Variants in GFOD1 observed in about 807,000 individuals in gnomAD.
The protein encoded by GFOD1 is glucose-fructose oxidoreductase domain-containing protein 1.
Under a neutral mutation model 25.4 loss-of-function variants are expected in GFOD1, and 9 were observed. The observed-to-expected ratio is 0.35, with a 90% CI of 0.21 to 0.62. GFOD1 has a LOEUF of 0.62. Ranked by LOEUF, GFOD1 falls within the 20% of genes least tolerant of loss-of-function variation. The pLI is 0.72. For missense variants in GFOD1, 403 were observed against 556.9 expected, an observed-to-expected ratio of 0.72 and a Z score of 2.78; for synonymous variants, 253 against 245.6, an observed-to-expected ratio of 1.03 and a Z score of -0.28.
At chr6:13,423,305 G>A (rs948831987) in intron 1 of GFOD1, among the ~76,000 whole-genome samples, 27 of 152,112 alleles carry the variant, frequency 1.8e-4, no homozygotes, top group African/African-American at 5.8e-4. Flanking sequence ...TATTTTAACT[G>A]ACAATGAGTT....
At chr6:13,433,688 T>C (rs9395773) in intron 1 of GFOD1, among the ~76,000 whole-genome samples, 149,015 of 152,168 alleles carry the variant, frequency 0.98, 73,040 homozygotes, top group Middle Eastern at 1. Flanking sequence ...TTGTCCTTCA[T>C]GTTGCATTCC....
chr6:13,363,236 T>TGTGTGC lies in GFOD1; in HGVS notation c.*1506_*1507insGCACAC, dbSNP rs1554198482. 5 of 151,774 alleles carry TGTGTGC rather than the reference T, an allele frequency of 3.3e-5. No homozygotes were observed. The highest frequency in any genetic ancestry group is 3.3e-4 in the Admixed American group (5 of 15,240). 9.4% of individuals were successfully genotyped at this position (151,774 alleles called of 1,614,324 possible). A position where few individuals can be genotyped will look rare whatever the true frequency, so the allele number is the denominator to read the frequency against. On this transcript the variant is annotated 3_prime_UTR_variant, in exon 2 of 2. Transcript: ENST00000379287. ...CTGTGTGTGTGTGTGTGTGTGTGTG[T>TGTGTGC]GTGCACGTGCATGTGTGTGTGTGTC...
intron 1 of GFOD1, among the ~76,000 whole-genome samples, chr6:13,441,003 T>A (rs867561426): frequency 6.6e-6 from 1 of 152,212 alleles, no homozygotes; most frequent in African/African-American, 2.4e-5. Context: ...CACAGATTAC[T>A]TCATCTGCTA....
At chr6:13,459,431 A>C (rs1176816512) in intron 1 of GFOD1, among the ~76,000 whole-genome samples, 1 of 152,048 alleles carries the variant, frequency 6.6e-6, no homozygotes, top group East Asian at 1.9e-4. Flanking sequence ...CAATACCATT[A>C]AGGATATAGG....
intron 1 of GFOD1, among the ~76,000 whole-genome samples, chr6:13,378,926 A>T (rs1034605740): frequency 6.8e-5 from 10 of 146,010 alleles, no homozygotes; most frequent in African/African-American, 2.4e-4. Context: ...AGCAGAGGGA[A>T]ACAATCAGCT....
At chr6:13,378,106 C>T (rs1279932275) in intron 1 of GFOD1, among the ~76,000 whole-genome samples, 1 of 152,160 alleles carries the variant, frequency 6.6e-6, no homozygotes, top group Non-Finnish European at 1.5e-5. Flanking sequence ...CTTTGGCTCA[C>T]TTAAGCACCA....
chr6:13,361,833 GTTCT>G lies in GFOD1; in HGVS notation c.*2906_*2909del, dbSNP rs906619981. ...TTCATGCCTCTTTTAAAGAATATAT[GTTCT>G]TTCTAATACCCCAGCTTCAAATGAG... On this transcript the variant is annotated 3_prime_UTR_variant, in exon 2 of 2. Coordinates refer to ENST00000379287, the MANE Select transcript of GFOD1 (RefSeq NM_018988.4). 5 of 151,982 alleles carry G rather than the reference GTTCT, an allele frequency of 3.3e-5. No homozygotes were observed. The highest frequency in any genetic ancestry group is 5.9e-5 in the Non-Finnish European group (4 of 67,992). 9.4% of individuals were successfully genotyped at this position (151,982 alleles called of 1,614,324 possible).
chr6:13,477,216 GGTGTGTGTGT>G (rs60649261), intron 1 of GFOD1, among the ~76,000 whole-genome samples: 178 of 140,878 alleles, frequency 1.3e-3, no homozygotes, highest in African/African-American at 4.4e-3. Context: ...ACCAATAGGG[GGTGTGTGTGT>G]GTGTGTGTGT....
Position 13,487,320 on chromosome 6 carries a change from G to T in GFOD1, c.-430C>A, listed in dbSNP as rs982391. 5,387 of 170,368 alleles carry T rather than the reference G, an allele frequency of 0.032. 123 individuals are homozygous for T. Among genetic ancestry groups the T allele is most frequent in the African/African-American group, 0.06 (2,553 of 42,220 alleles). The allele number at this position is 170,368 out of a possible 1,614,324, so 10.6% of individuals were successfully genotyped here. The stretch of plus-strand genomic sequence containing the variant: ...GGACCGGCTCTCTCCCGCGTCGTTT[G>T]CGCAGCCGGCGAATCGCACAGACAA... On this transcript the variant is annotated 5_prime_UTR_variant, in exon 1 of 2. Coordinates refer to ENST00000379287, the MANE Select transcript of GFOD1 (RefSeq NM_018988.4). The surrounding 1 kb of genome is among the most constrained non-coding windows in gnomAD (Gnocchi z 4.9).
At chr6:13,450,628 T>C (rs982103503) in intron 1 of GFOD1, among the ~76,000 whole-genome samples, 12 of 152,142 alleles carry the variant, frequency 7.9e-5, no homozygotes, top group Admixed American at 1.3e-4. Context: ...ATGTGAAGTG[T>C]TGTCAACCAG....
intron 1 of GFOD1, among the ~76,000 whole-genome samples, chr6:13,423,538 C>T (rs1243708782): frequency 6.6e-6 from 1 of 152,210 alleles, no homozygotes; most frequent in African/African-American, 2.4e-5. Context: ...CTGTCATGCG[C>T]AAAGCTCGAG....
chr6:13,397,222 A>G (rs1562205282), intron 1 of GFOD1, among the ~76,000 whole-genome samples: 1 of 152,218 alleles, frequency 6.6e-6, no homozygotes, highest in Admixed American at 6.5e-5. Flanking sequence ...TACAGGTGCA[A>G]GCCATGGCGC....
chr6:13,418,884 A>C (rs1021549688), intron 1 of GFOD1, among the ~76,000 whole-genome samples: 5 of 152,316 alleles, frequency 3.3e-5, no homozygotes, highest in South Asian at 4.1e-4. Flanking sequence ...AATGTTTCTC[A>C]GTCCTTTTCA....
At chr6:13,396,459 T>C (rs979078278) in intron 1 of GFOD1, among the ~76,000 whole-genome samples, 10 of 152,148 alleles carry the variant, frequency 6.6e-5, no homozygotes, top group Admixed American at 2.6e-4. Context: ...AGGTGGCCTT[T>C]TCCTAGGAGT....
chr6:13,437,800 A>T (rs1757856575), intron 1 of GFOD1, among the ~76,000 whole-genome samples: 1 of 152,228 alleles, frequency 6.6e-6, no homozygotes, highest in Admixed American at 6.5e-5. Flanking sequence ...TACCAGACAG[A>T]AATCATTACT....
intron 1 of GFOD1, among the ~76,000 whole-genome samples, chr6:13,439,194 AAACT>A (rs1757878010): frequency 6.6e-6 from 1 of 152,098 alleles, no homozygotes; most frequent in Admixed American, 6.6e-5. Context: ...CACATTTTAA[AAACT>A]TATCACAATA....
At chr6:13,454,949 G>T (rs1758162597) in intron 1 of GFOD1, among the ~76,000 whole-genome samples, 1 of 152,134 alleles carries the variant, frequency 6.6e-6, no homozygotes, top group Non-Finnish European at 1.5e-5. Context: ...GCAAATTTCT[G>T]GTTGTCTTGA....
At chr6:13,390,310 G>A (rs1212244229) in intron 1 of GFOD1, among the ~76,000 whole-genome samples, 1 of 152,104 alleles carries the variant, frequency 6.6e-6, no homozygotes, top group Non-Finnish European at 1.5e-5. Flanking sequence ...TAAAACAGGG[G>A]CTGGGCATGG....
chr6:13,380,545 T>C (rs1190319513), intron 1 of GFOD1, among the ~76,000 whole-genome samples: 1 of 152,122 alleles, frequency 6.6e-6, no homozygotes, highest in Non-Finnish European at 1.5e-5. Context: ...ATTTATGACA[T>C]ACACACACCC....
Sources: allele counts gnomAD v4.1 joint callset (sites outside exome capture counted in the v4.1 genomes callset), GRCh38; gene constraint gnomAD v4.1.1; non-coding constraint Gnocchi (gnomAD v3.1); transcripts MANE v1.5; gene names NCBI Gene and HGNC (gene_info 2026-07-23, HGNC 2026-07-21).